The following XKR6 variants were observed in gnomAD, a reference collection of about 807,000 sequenced individuals.
XKR6 encodes the protein XK related 6, also known as XK-related protein 6.
A neutral mutation model predicts 56.7 loss-of-function variants in XKR6; 22 were observed. That is an observed-to-expected ratio of 0.39 (90% CI 0.28 to 0.55). The LOEUF (loss-of-function observed/expected upper bound fraction) is 0.55. XKR6 is among the 20% of genes least tolerant of loss of function. XKR6 has a pLI of 0.66. For missense variants in XKR6, 852 were observed against 889.0 expected (o/e 0.96, Z 0.53); for synonymous variants, 524 against 387.8 (o/e 1.35, Z -4.13).
intron 1 of XKR6, among the ~76,000 whole-genome samples, chr8:10,960,234 A>G (rs1468359791): frequency 2.0e-5 from 3 of 151,318 alleles, no homozygotes; most frequent in Non-Finnish European, 3.0e-5. Flanking sequence ...AGGTGGGTAC[A>G]GGTATAGCAG....
At chr8:10,991,415 T>C (rs747180831) in intron 1 of XKR6, among the ~76,000 whole-genome samples, 7 of 152,172 alleles carry the variant, frequency 4.6e-5, no homozygotes, top group Non-Finnish European at 8.8e-5. Flanking sequence ...GCTTACTTGG[T>C]TAACTGACTG....
At chr8:11,062,666 C>T in intron 1 of XKR6, 3 of 446,742 alleles carry the variant, frequency 6.7e-6, no homozygotes, top group South Asian at 3.2e-5. Flanking sequence ...CATAATTACT[C>T]TTTAATGTGA....
At chr8:11,080,937 C>T (rs944877502) in intron 1 of XKR6, among the ~76,000 whole-genome samples, 2 of 152,196 alleles carry the variant, frequency 1.3e-5, no homozygotes, top group Middle Eastern at 3.4e-3. Flanking sequence ...AAAGAAGATC[C>T]GTATGACAAG....
intron 1 of XKR6, among the ~76,000 whole-genome samples, chr8:11,140,753 C>T (rs1192593296): frequency 2.0e-5 from 3 of 151,940 alleles, no homozygotes; most frequent in African/African-American, 4.8e-5. Context: ...AAACAATTAG[C>T]CAGGCATGGT....
rs1323034870 is a variant in XKR6, at chr8:11,200,755, G to A, written c.585C>T (p.Ala195=). The A allele has an allele frequency of 6.3e-7, 1 of 1,597,528 alleles. No homozygotes were observed. Among genetic ancestry groups the A allele is most frequent in the Non-Finnish European group, 8.5e-7 (1 of 1,174,078 alleles). The part of the protein sequence containing the change: ...VQDYTGGGLG[A]VEGLTSRGPP... ...GGCCCCGGCTGGTGAGCCCCTCCAC[G>A]GCGCCCAGCCCGCCGCCCGTGTAGT... The change falls in exon 1 of 3, where the codon GCC becomes GCT. Residue 195 remains alanine (A), a synonymous_variant. Coordinates refer to ENST00000416569, the MANE Select transcript of XKR6 (RefSeq NM_173683.4). This position sits in a 1 kb window ranked among gnomAD's most constrained non-coding sequence, Gnocchi z 6.4.
intron 1 of XKR6, among the ~76,000 whole-genome samples, chr8:10,944,456 C>T (rs760528108): frequency 5.9e-5 from 9 of 152,292 alleles, no homozygotes; most frequent in African/African-American, 9.6e-5. Context: ...ACTGACCTTT[C>T]GAAAATCCTC....
chr8:11,116,579 C>G (rs1418527346), intron 1 of XKR6, among the ~76,000 whole-genome samples: 2 of 152,124 alleles, frequency 1.3e-5, no homozygotes, highest in Non-Finnish European at 2.9e-5. Context: ...CCATGTTGGC[C>G]AGGCTGGTCT....
rs760331050 is a variant in XKR6 at position 10,897,948 on chromosome 8, G to A, written c.*4C>T. On this transcript the variant is annotated 3_prime_UTR_variant, in exon 3 of 3. Transcript: ENST00000416569. ...GTCCCCTTCTCAACTTGGTCAAGAT[G>A]CTCTTAGAGTGAAGACTCATACTGT... 1.3e-6 allele frequency: 2 copies of A among 1,547,330 alleles called. No individual in the cohort carries two copies. The highest frequency in any genetic ancestry group is 1.7e-6 in the Non-Finnish European group (2 of 1,147,674).
intron 1 of XKR6, among the ~76,000 whole-genome samples, chr8:10,984,724 C>CTATATATATATATATATA (rs1393662292): frequency 1.3e-5 from 1 of 74,904 alleles, no homozygotes. Flanking sequence ...CTCTCTCTCT[C>CTATATATATATATATATA]TCTCTCTCTA....
chr8:10,989,446 C>T (rs187803697), intron 1 of XKR6, among the ~76,000 whole-genome samples: 101 of 152,166 alleles, frequency 6.6e-4, no homozygotes, highest in Admixed American at 5.6e-3. Context: ...TTGATATCTA[C>T]GTTACGTTTA....
chr8:10,969,762 G>T (rs1393697409), intron 1 of XKR6, among the ~76,000 whole-genome samples: 1 of 152,238 alleles, frequency 6.6e-6, no homozygotes, highest in African/African-American at 2.4e-5. Context: ...CTGCAGCCCT[G>T]CCCCTAGCCA....
chr8:10,978,933 C>T (rs560201326), intron 1 of XKR6, among the ~76,000 whole-genome samples: 4 of 152,332 alleles, frequency 2.6e-5, no homozygotes, highest in South Asian at 4.1e-4. Flanking sequence ...AGCTTCAGCC[C>T]TGTGTCATCT....
chr8:11,074,275 G>C (rs1203750585), intron 1 of XKR6, among the ~76,000 whole-genome samples: 1 of 152,222 alleles, frequency 6.6e-6, no homozygotes, highest in Non-Finnish European at 1.5e-5. Context: ...TGTCTAGTGT[G>C]CCGTTTCCCG....
chr8:11,000,784 G>C (rs964787804), intron 1 of XKR6, among the ~76,000 whole-genome samples: 1 of 152,226 alleles, frequency 6.6e-6, no homozygotes, highest in African/African-American at 2.4e-5. Flanking sequence ...TCATGGTGGA[G>C]AAGGCTGTTT....
At chr8:11,027,182 G>A (rs1187267467) in intron 1 of XKR6, among the ~76,000 whole-genome samples, 1 of 152,194 alleles carries the variant, frequency 6.6e-6, no homozygotes, top group Non-Finnish European at 1.5e-5. Flanking sequence ...ACAGTGGTAA[G>A]TATTTGTGAA....
intron 1 of XKR6, among the ~76,000 whole-genome samples, chr8:11,038,110 T>C (rs1203472212): frequency 6.6e-6 from 1 of 152,190 alleles, no homozygotes; most frequent in Non-Finnish European, 1.5e-5. Flanking sequence ...GATTTCAAAT[T>C]TCTGTGTCAT....
chr8:11,173,350 A>ATATATATATAT (rs1554478587), intron 1 of XKR6, among the ~76,000 whole-genome samples: 1 of 142,850 alleles, frequency 7.0e-6, no homozygotes, highest in Non-Finnish European at 1.5e-5. Context: ...CCTTAAAAAA[A>ATATATATATAT]ATATATATAT....
intron 1 of XKR6, among the ~76,000 whole-genome samples, chr8:10,943,242 C>A (rs1166609788): frequency 6.6e-6 from 1 of 152,184 alleles, no homozygotes; most frequent in Non-Finnish European, 1.5e-5. Context: ...ACAGACAGGA[C>A]AGGGTACAGC....
At chr8:10,991,483 T>G (rs1797992516) in intron 1 of XKR6, among the ~76,000 whole-genome samples, 1 of 152,216 alleles carries the variant, frequency 6.6e-6, no homozygotes, top group Admixed American at 6.5e-5. Flanking sequence ...ATTTCAAGAT[T>G]AATTTGGATG....
Sources: gnomAD v4.1 joint callset for allele counts (sites outside exome capture counted in the v4.1 genomes callset) on GRCh38, gnomAD v4.1.1 for gene constraint, Gnocchi (gnomAD v3.1) non-coding constraint, MANE v1.5 for transcripts, NCBI Gene and HGNC (gene_info 2026-07-23, HGNC 2026-07-21) for gene names.